CTNNA2: variants seen among roughly 807,000 people sequenced by gnomAD.
The protein encoded by CTNNA2 is catenin alpha-2.
CTNNA2 carries 42 observed loss-of-function variants against 101.0 expected under a neutral mutation model. The observed-to-expected ratio is 0.42, with a 90% CI of 0.32 to 0.54. The LOEUF (loss-of-function observed/expected upper bound fraction) is 0.54. Ranked by LOEUF, CTNNA2 falls within the 20% of genes least tolerant of loss-of-function variation. The pLI is 0.14. For missense variants in CTNNA2, 871 were observed against 1,223.1 expected, an observed-to-expected ratio of 0.71 and a Z score of 4.29; for synonymous variants, 450 against 456.4, an observed-to-expected ratio of 0.99 and a Z score of 0.18.
At chr2:79,589,790 A>C (rs1676731069) in intron 1 of CTNNA2, among the ~76,000 whole-genome samples, 1 of 151,184 alleles carries the variant, frequency 6.6e-6, no homozygotes, top group African/African-American at 2.4e-5. Context: ...ACTATTGAAG[A>C]CTTAAATCAA....
intron 1 of CTNNA2, among the ~76,000 whole-genome samples, chr2:79,191,445 C>T (rs1054094011): frequency 1.3e-5 from 2 of 152,178 alleles, no homozygotes; most frequent in African/African-American, 4.8e-5. Context: ...TGTTATTAAT[C>T]TTATGTCATA....
intron 7 of CTNNA2, among the ~76,000 whole-genome samples, chr2:80,170,219 CTCTCTCTCTCTCTGTGTG>C (rs1483265936): frequency 1.3e-5 from 2 of 150,892 alleles, no homozygotes; most frequent in African/African-American, 4.9e-5. Flanking sequence ...ATCTCTCTCT[CTCTCTCTCTCTCTGTGTG>C]TGTGTGTGTG....
At chr2:80,563,563 G>A (rs912357874) in intron 12 of CTNNA2, among the ~76,000 whole-genome samples, 1 of 152,128 alleles carries the variant, frequency 6.6e-6, no homozygotes, top group African/African-American at 2.4e-5. Flanking sequence ...GTTTTGTAGA[G>A]ACAGGTCTTG....
At chr2:80,205,778 G>A (rs187110837) in intron 7 of CTNNA2, among the ~76,000 whole-genome samples, 14 of 152,204 alleles carry the variant, frequency 9.2e-5, no homozygotes, top group Admixed American at 2.6e-4. Flanking sequence ...AGGTGACTGC[G>A]ATTGTTTCAA....
Position 79,910,312 on chromosome 2 carries a change from T to G in CTNNA2, c.1056+515T>G, listed in dbSNP as rs190462011. ...TTGGAGGTGTTTTATTGATTCATAG[T>G]CAGGAATTGCTTATAAGAGTGAGTC... is the stretch of plus-strand genomic sequence containing the variant. On this transcript the variant is annotated intron_variant, in intron 7 of 18. Transcript: ENST00000402739. Among the ~76,000 whole-genome samples, 547 of 152,312 alleles carry G rather than the reference T, an allele frequency of 3.6e-3. 4 individuals are homozygous for G. The highest frequency in any genetic ancestry group is 0.01 in the Middle Eastern group (3 of 294).
chr2:79,731,482 GT>G (rs1225257854), intron 2 of CTNNA2, among the ~76,000 whole-genome samples: 1 of 152,028 alleles, frequency 6.6e-6, no homozygotes, highest in Non-Finnish European at 1.5e-5. Flanking sequence ...ACCCATACAG[GT>G]ATAAAAGACA....
At chr2:80,416,207 C>T (rs183370887) in intron 8 of CTNNA2, among the ~76,000 whole-genome samples, 44 of 151,516 alleles carry the variant, frequency 2.9e-4, no homozygotes, top group South Asian at 2.1e-3. Flanking sequence ...CTTAAGTGTT[C>T]TCACCAATAA....
chr2:80,605,801 T>A (rs930414980), intron 16 of CTNNA2: 1 of 151,986 alleles, frequency 6.6e-6, no homozygotes, highest in East Asian at 1.9e-4. Context: ...TTTTTTTAAC[T>A]TTTGACTTTT....
intron 1 of CTNNA2, among the ~76,000 whole-genome samples, chr2:79,521,060 A>C (rs1034032943): frequency 9.7e-5 from 13 of 133,676 alleles, no homozygotes; most frequent in East Asian, 4.2e-4. Context: ...ATACCTGTCA[A>C]ATTCCTATTT....
At position 79,323,337 on chromosome 2, in the gene CTNNA2, A is replaced by G. The variant is rs181670847; in HGVS notation, c.-318+10541A>G. Reference sequence around the variant, plus strand: ...TATTAAAGATGAGAAAAGTGCATGGATAATTTTTCCTAAAATTACACTATA... The same window carrying G: ...TATTAAAGATGAGAAAAGTGCATGGGTAATTTTTCCTAAAATTACACTATA... On this transcript the variant is annotated intron_variant, in intron 3 of 21. Transcript: ENST00000466387. 1.1e-3 allele frequency among the ~76,000 whole-genome samples: 175 copies of G among 152,310 alleles called. 1 individual carries two copies. The highest frequency in any genetic ancestry group is 4.0e-3 in the African/African-American group (168 of 41,576).
In CTNNA2 at chr2:79,791,776, G is replaced by A. The variant is rs1309013340; in HGVS notation, c.298+47194G>A. Among the ~76,000 whole-genome samples the A allele has an allele frequency of 3.3e-5, 5 of 152,126 alleles. No homozygotes were observed. The East Asian group carries it at 9.6e-4, about 29-fold the overall frequency. ...GGATCACAAAGGAGACATCCTCCAG[G>A]TACTTCTAGGGGCTGCAAATTCTCA... On this transcript the variant is annotated intron_variant, in intron 3 of 18. Transcript: ENST00000402739.
At chr2:79,350,311 A>T (rs1218957012) in intron 3 of CTNNA2, among the ~76,000 whole-genome samples, 1 of 151,968 alleles carries the variant, frequency 6.6e-6, no homozygotes, top group Non-Finnish European at 1.5e-5. Flanking sequence ...GGAGTTCCCA[A>T]TGTCTGTTAC....
intron 7 of CTNNA2, among the ~76,000 whole-genome samples, chr2:80,324,784 C>G (rs1390816477): frequency 6.6e-6 from 1 of 152,124 alleles, no homozygotes; most frequent in Non-Finnish European, 1.5e-5. Context: ...CAGACACACT[C>G]TTTCCTTTGA....
intron 9 of CTNNA2, among the ~76,000 whole-genome samples, chr2:80,446,662 A>G (rs560699573): frequency 6.6e-6 from 1 of 152,318 alleles, no homozygotes. Flanking sequence ...CACTTCAGAA[A>G]GGATGTCACC....
At chr2:79,211,570 G>A (rs1224521196) in intron 2 of CTNNA2, among the ~76,000 whole-genome samples, 4 of 152,160 alleles carry the variant, frequency 2.6e-5, no homozygotes, top group African/African-American at 2.4e-5. Flanking sequence ...CAGTAGGGGA[G>A]CTTTTGAGTC....
chr2:80,143,707 A>G (rs1004468844), intron 7 of CTNNA2, among the ~76,000 whole-genome samples: 3 of 152,178 alleles, frequency 2.0e-5, no homozygotes, highest in Non-Finnish European at 2.9e-5. Context: ...CAAAAACATC[A>G]AAGCTAAAGC....
At chr2:79,323,064 A>G (rs570155229) in intron 3 of CTNNA2, among the ~76,000 whole-genome samples, 11 of 152,256 alleles carry the variant, frequency 7.2e-5, no homozygotes, top group African/African-American at 2.6e-4. Flanking sequence ...GATAAACAGG[A>G]TTTGGTGCTG....
At chr2:80,550,075 C>T (rs1692433245) in intron 11 of CTNNA2, among the ~76,000 whole-genome samples, 1 of 152,128 alleles carries the variant, frequency 6.6e-6, no homozygotes, top group African/African-American at 2.4e-5. Flanking sequence ...AGGCAAACCT[C>T]GAACGTATTG....
intron 2 of CTNNA2, among the ~76,000 whole-genome samples, chr2:79,699,426 G>A (rs1224005588): frequency 6.6e-6 from 1 of 151,988 alleles, no homozygotes; most frequent in East Asian, 1.9e-4. Flanking sequence ...TCTTAGTACA[G>A]TGTAAGGGCT....
Sources: allele counts gnomAD v4.1 joint callset (sites outside exome capture counted in the v4.1 genomes callset), GRCh38; gene constraint gnomAD v4.1.1; transcripts MANE v1.5; gene names NCBI Gene and HGNC (gene_info 2026-07-23, HGNC 2026-07-21).